The following IL1RAPL1 variants were observed in gnomAD, a reference collection of about 807,000 sequenced individuals.
IL1RAPL1 encodes the protein interleukin-1 receptor accessory protein-like 1.
Under a neutral mutation model 48.4 loss-of-function variants are expected in IL1RAPL1, and 3 were observed. The ratio of observed to expected loss-of-function variants is 0.06; its 90% confidence interval spans 0.03 to 0.16. IL1RAPL1 has a LOEUF of 0.16. Ranked by LOEUF, IL1RAPL1 falls within the 10% of genes least tolerant of loss-of-function variation. IL1RAPL1 has a pLI of 1.00. For synonymous variants in IL1RAPL1, 185 were observed against 187.7 expected (o/e 0.99, Z 0.12); for missense variants, 349 against 530.6 (o/e 0.66, Z 3.36).
At chrX:29,802,938 C>CAT (rs1233395027) in intron 6 of IL1RAPL1, among the ~76,000 whole-genome samples, 1 of 46,614 alleles carries the variant, frequency 2.1e-5, no homozygotes, top group Non-Finnish European at 3.8e-5. Flanking sequence ...TATATGTGTA[C>CAT]ATATGTATGC....
chrX:28,758,571 G>A (rs915641492), intron 1 of IL1RAPL1, among the ~76,000 whole-genome samples: 8 of 111,214 alleles, frequency 7.2e-5, no homozygotes, highest in African/African-American at 1.3e-4. Flanking sequence ...GTTCCACAGC[G>A]TAGGGGATCT....
At chrX:29,289,970 T>A (rs1049234514) in intron 3 of IL1RAPL1, among the ~76,000 whole-genome samples, 4 of 111,907 alleles carry the variant, frequency 3.6e-5, no homozygotes, top group Admixed American at 1.9e-4. Flanking sequence ...GTAGTTCATT[T>A]GCTCAAGTCT....
intron 1 of IL1RAPL1, among the ~76,000 whole-genome samples, chrX:28,656,203 C>A (rs1385825213): frequency 9.0e-6 from 1 of 111,171 alleles, no homozygotes; most frequent in East Asian, 2.8e-4. Flanking sequence ...TTTTCCATTT[C>A]TCCCTGGTCA....
At chrX:29,587,176 C>G (rs1213940921) in intron 5 of IL1RAPL1, among the ~76,000 whole-genome samples, 1 of 111,232 alleles carries the variant, frequency 9.0e-6, no homozygotes, top group Non-Finnish European at 1.9e-5. Flanking sequence ...GTTATTCTTT[C>G]ATGTGTTATT....
intron 2 of IL1RAPL1, among the ~76,000 whole-genome samples, chrX:29,197,010 G>T (rs1447340694): frequency 9.1e-6 from 1 of 110,091 alleles, no homozygotes; most frequent in Non-Finnish European, 1.9e-5. Context: ...TTTTCTTTTA[G>T]ATACGATTTT....
intron 2 of IL1RAPL1, among the ~76,000 whole-genome samples, chrX:28,916,687 G>A (rs1476220260): frequency 8.9e-6 from 1 of 112,087 alleles, no homozygotes; most frequent in Non-Finnish European, 1.9e-5. Context: ...ATCAGAGGAT[G>A]CCCATGCAGC....
chrX:29,721,095 CA>C (rs1448829294), intron 6 of IL1RAPL1, among the ~76,000 whole-genome samples: 2 of 111,635 alleles, frequency 1.8e-5, no homozygotes, highest in Non-Finnish European at 3.8e-5. Context: ...AGGACATTAC[CA>C]AGGTAGGGGT....
chrX:29,785,052 A>G, intron 6 of IL1RAPL1, among the ~76,000 whole-genome samples: 1 of 112,466 alleles, frequency 8.9e-6, no homozygotes. Flanking sequence ...GCATAATACT[A>G]TAAATGCTAC....
chrX:29,255,960 T>C (rs1409960996), intron 2 of IL1RAPL1, among the ~76,000 whole-genome samples: 1 of 111,534 alleles, frequency 9.0e-6, no homozygotes, highest in Non-Finnish European at 1.9e-5. Flanking sequence ...TTATTTTCCT[T>C]TGGGTATATA....
chrX:29,359,482 G>T (rs1435326757), intron 3 of IL1RAPL1, among the ~76,000 whole-genome samples: 1 of 112,203 alleles, frequency 8.9e-6, no homozygotes, highest in Non-Finnish European at 1.9e-5. Flanking sequence ...CTCATACCAG[G>T]ATCGTCTGCC....
At chrX:29,142,070 C>T (rs1929254553) in intron 2 of IL1RAPL1, among the ~76,000 whole-genome samples, 1 of 111,505 alleles carries the variant, frequency 9.0e-6, no homozygotes, top group South Asian at 3.7e-4. Flanking sequence ...AATAGATAAC[C>T]TTTGATTTTT....
intron 2 of IL1RAPL1, among the ~76,000 whole-genome samples, chrX:29,243,151 A>G (rs1214227642): frequency 2.7e-5 from 3 of 112,351 alleles, no homozygotes; most frequent in Non-Finnish European, 5.6e-5. Flanking sequence ...TTTGCCCACC[A>G]GTGAAATTTA....
intron 3 of IL1RAPL1, among the ~76,000 whole-genome samples, chrX:29,319,122 C>G (rs1191500459): frequency 9.3e-6 from 1 of 107,172 alleles, no homozygotes; most frequent in Non-Finnish European, 1.9e-5. Context: ...ATTAGACACA[C>G]AGATACACAC....
In IL1RAPL1 at chrX:29,910,536, ATAATT is replaced by A. The variant is rs778016735; in HGVS notation, c.779-6925_779-6921del. Among the ~76,000 whole-genome samples the A allele has an allele frequency of 4.0e-3, 449 of 111,986 alleles. 12 individuals carry two copies. The Admixed American group carries it at 0.042, about 10-fold the overall frequency. On this transcript the variant is annotated intron_variant, in intron 6 of 10. Coordinates refer to ENST00000378993, the MANE Select transcript of IL1RAPL1 (RefSeq NM_014271.4). ...TATTTCTTAATAAAGCAAGCCTACA[ATAATT>A]TATTTAGTTCCTAAAACTTGCCAAG...
chrX:28,938,997 G>A (rs1924092916), intron 2 of IL1RAPL1, among the ~76,000 whole-genome samples: 1 of 107,590 alleles, frequency 9.3e-6, no homozygotes, highest in Non-Finnish European at 1.9e-5. Flanking sequence ...AGTCAGAATG[G>A]CTATTATTAT....
At chrX:28,749,805 C>G (rs1341140035) in intron 1 of IL1RAPL1, among the ~76,000 whole-genome samples, 1 of 108,814 alleles carries the variant, frequency 9.2e-6, no homozygotes, top group Non-Finnish European at 1.9e-5. Context: ...AAGTTCTTAT[C>G]TAAAAAAAAA....
At chrX:29,835,304 A>T (rs1930969590) in intron 6 of IL1RAPL1, among the ~76,000 whole-genome samples, 1 of 112,080 alleles carries the variant, frequency 8.9e-6, no homozygotes, top group Non-Finnish European at 1.9e-5. Context: ...GTATATATAC[A>T]ATGTAGCATG....
intron 6 of IL1RAPL1, among the ~76,000 whole-genome samples, chrX:29,879,355 A>ATG (rs1259650807): frequency 1.5e-3 from 120 of 81,381 alleles, no homozygotes; most frequent in African/African-American, 5.3e-3. Flanking sequence ...GTAGTTTTAT[A>ATG]TATGTGTGTG....
At chrX:29,078,786 G>A (rs1175919821) in intron 2 of IL1RAPL1, among the ~76,000 whole-genome samples, 1 of 111,284 alleles carries the variant, frequency 9.0e-6, no homozygotes, top group Non-Finnish European at 1.9e-5. Context: ...CAATTCCTTG[G>A]AGATATTGTG....
Sources: allele counts gnomAD v4.1 joint callset (sites outside exome capture counted in the v4.1 genomes callset), GRCh38; gene constraint gnomAD v4.1.1; transcripts MANE v1.5; gene names NCBI Gene and HGNC (gene_info 2026-07-23, HGNC 2026-07-21).